Variants in DPP6 observed in about 807,000 individuals in gnomAD.
The protein encoded by DPP6 is dipeptidyl peptidase like 6, also known as A-type potassium channel modulatory protein DPP6.
DPP6 carries 69 observed loss-of-function variants against 122.6 expected under a neutral mutation model. The observed-to-expected ratio is 0.56, with a 90% CI of 0.46 to 0.69. The LOEUF (loss-of-function observed/expected upper bound fraction) is 0.69. Among genes scored for constraint, DPP6 ranks in the 30% least tolerant of loss-of-function variants. The probability of loss-of-function intolerance (pLI) is 0.00; values close to 1 mark genes in which losing one functional copy is unlikely to be tolerated. For synonymous variants in DPP6, 418 were observed against 433.1 expected (o/e 0.97, Z 0.43); for missense variants, 928 against 1,116.9 (o/e 0.83, Z 2.41).
At chr7:154,009,948 T>C (rs1185056015) in intron 1 of DPP6, among the ~76,000 whole-genome samples, 1 of 152,218 alleles carries the variant, frequency 6.6e-6, no homozygotes, top group African/African-American at 2.4e-5. Flanking sequence ...AATTGACATC[T>C]TAGCAAAATT....
chr7:154,543,239 A>C (rs1187062263), intron 4 of DPP6, among the ~76,000 whole-genome samples: 4 of 152,240 alleles, frequency 2.6e-5, no homozygotes, highest in Non-Finnish European at 5.9e-5. Context: ...AAACAGCCTT[A>C]AACAAGTTGA....
chr7:154,696,228 G>T (rs1180268347), intron 7 of DPP6, among the ~76,000 whole-genome samples: 2 of 152,162 alleles, frequency 1.3e-5, no homozygotes, highest in African/African-American at 4.8e-5. Flanking sequence ...ACTGACACGG[G>T]GCACAGCCAC....
At chr7:154,797,954 T>C (rs1201571011) in intron 12 of DPP6, among the ~76,000 whole-genome samples, 1 of 152,012 alleles carries the variant, frequency 6.6e-6, no homozygotes, top group East Asian at 1.9e-4. Flanking sequence ...AGTATTCGGG[T>C]GTTGGTGGGA....
intron 1 of DPP6, among the ~76,000 whole-genome samples, chr7:154,178,728 A>C (rs1398866801): frequency 1.3e-5 from 2 of 152,210 alleles, no homozygotes; most frequent in Non-Finnish European, 2.9e-5. Context: ...CTCAGAGATG[A>C]TCCTGCCTCA....
At chr7:154,085,437 A>G (rs1289350033) in intron 1 of DPP6, among the ~76,000 whole-genome samples, 1 of 152,218 alleles carries the variant, frequency 6.6e-6, no homozygotes, top group Non-Finnish European at 1.5e-5. Context: ...CTCGCCAACT[A>G]GACAGTAAGC....
intron 4 of DPP6, among the ~76,000 whole-genome samples, chr7:154,558,258 C>T (rs562546724): frequency 1.2e-4 from 18 of 152,146 alleles, no homozygotes; most frequent in Admixed American, 2.0e-4. Context: ...TTTGAGACCT[C>T]GGTTAATTAT....
chr7:154,646,239 G>C (rs1163835823), intron 6 of DPP6, among the ~76,000 whole-genome samples: 1 of 151,980 alleles, frequency 6.6e-6, no homozygotes, highest in Non-Finnish European at 1.5e-5. Flanking sequence ...CCATGCCCAG[G>C]CTCTTTAGGA....
chr7:153,933,701 T>A (rs113124596), intron 1 of DPP6, among the ~76,000 whole-genome samples: 5 of 133,318 alleles, frequency 3.8e-5, no homozygotes, highest in African/African-American at 1.4e-4. Flanking sequence ...TCTCTCTCTC[T>A]CTCTCACACA....
chr7:154,511,210 A>C (rs1826069975), intron 3 of DPP6, among the ~76,000 whole-genome samples: 1 of 152,180 alleles, frequency 6.6e-6, no homozygotes, highest in South Asian at 2.1e-4. Context: ...GGATAACATA[A>C]AAATAACTAG....
At chr7:153,886,446 C>T (rs549274293), upstream of DPP6, among the ~76,000 whole-genome samples, 24 of 152,230 alleles carry the variant, frequency 1.6e-4, no homozygotes, top group Admixed American at 1.5e-3. Context: ...TAGGGAGAGC[C>T]GTGGGCGCCA....
the DPP6 span, among the ~76,000 whole-genome samples, chr7:153,843,510 G>A: frequency 1.8e-4 from 12 of 66,726 alleles, no homozygotes; most frequent in South Asian, 1.5e-3. Flanking sequence ...AACTGGGTCC[G>A]GGGGGTCACC....
intron 3 of DPP6, among the ~76,000 whole-genome samples, chr7:154,485,237 A>G (rs1823683783): frequency 6.6e-6 from 1 of 152,218 alleles, no homozygotes; most frequent in Admixed American, 6.5e-5. Context: ...GGAGAGCATA[A>G]CAGTGATCAT....
At chr7:154,845,668 A>T (rs943238984) in intron 16 of DPP6, among the ~76,000 whole-genome samples, 2 of 151,900 alleles carry the variant, frequency 1.3e-5, no homozygotes, top group Admixed American at 6.5e-5. Flanking sequence ...ATAATAATAA[A>T]AAAGAAAGAT....
chr7:154,115,940 C>T (rs1257837231), intron 1 of DPP6, among the ~76,000 whole-genome samples: 3 of 151,850 alleles, frequency 2.0e-5, no homozygotes, highest in Non-Finnish European at 2.9e-5. Context: ...AAGTTCTGAA[C>T]AGAAGAAAAG....
At chr7:154,140,072 G>T (rs1046065830) in intron 1 of DPP6, among the ~76,000 whole-genome samples, 10 of 152,168 alleles carry the variant, frequency 6.6e-5, no homozygotes, top group African/African-American at 2.2e-4. Flanking sequence ...GGGGGTAGCT[G>T]CTCACTGGTC....
intron 10 of DPP6, among the ~76,000 whole-genome samples, chr7:154,787,420 TATC>T (rs1797402850): frequency 1.3e-5 from 2 of 152,242 alleles, no homozygotes; most frequent in Admixed American, 6.5e-5. Context: ...AATGTAAAAT[TATC>T]ATACAAACCA....
chr7:154,517,029 A>G (rs1826573103), intron 3 of DPP6, among the ~76,000 whole-genome samples: 1 of 152,158 alleles, frequency 6.6e-6, no homozygotes, highest in Admixed American at 6.5e-5. Context: ...AGCACACCAA[A>G]ATGTAGCATG....
At chr7:153,879,299 G>T in the DPP6 span, among the ~76,000 whole-genome samples, 1 of 152,178 alleles carries the variant, frequency 6.6e-6, no homozygotes, top group Non-Finnish European at 1.5e-5. Flanking sequence ...TTGTGTGGAT[G>T]CTGGGGGTAG....
At chr7:154,837,548 T>C (rs577459661) in intron 16 of DPP6, among the ~76,000 whole-genome samples, 4 of 152,268 alleles carry the variant, frequency 2.6e-5, no homozygotes, top group African/African-American at 9.6e-5. Context: ...TGGGGGCAGG[T>C]AGAGTGTGGG....
Sources: allele counts gnomAD v4.1 joint callset (sites outside exome capture counted in the v4.1 genomes callset), GRCh38; gene constraint gnomAD v4.1.1; transcripts MANE v1.5; gene names NCBI Gene and HGNC (gene_info 2026-07-23, HGNC 2026-07-21).